The following ANTXR1 variants were observed in gnomAD, a reference collection of about 807,000 sequenced individuals.
ANTXR1 encodes ANTXR cell adhesion molecule 1, also known as anthrax toxin receptor 1.
A neutral mutation model predicts 78.1 loss-of-function variants in ANTXR1; 19 were observed. The observed-to-expected ratio is 0.24, with a 90% CI of 0.17 to 0.36. ANTXR1 has a LOEUF of 0.36. ANTXR1 is among the 10% of genes least tolerant of loss of function. ANTXR1 has a pLI of 1.00. For synonymous variants in ANTXR1, 273 were observed against 260.5 expected (o/e 1.05, Z -0.46); for missense variants, 518 against 718.6 (o/e 0.72, Z 3.19).
intron 17 of ANTXR1, among the ~76,000 whole-genome samples, chr2:69,212,551 TGATAAAATA>T (rs1558649298): frequency 2.0e-5 from 3 of 152,206 alleles, no homozygotes; most frequent in African/African-American, 7.2e-5. Flanking sequence ...CTATGCTTTA[TGATAAAATA>T]GATACATATT....
At chr2:69,103,319 A>G (rs1197002892) in intron 10 of ANTXR1, 7 of 343,902 alleles carry the variant, frequency 2.0e-5, no homozygotes, top group East Asian at 1.4e-4. Flanking sequence ...GGTGATGGTT[A>G]ATTAGGACTG....
intron 12 of ANTXR1, among the ~76,000 whole-genome samples, chr2:69,125,596 TTTGGGAGGCTGAG>T (rs1672507340): frequency 6.6e-6 from 1 of 152,202 alleles, no homozygotes; most frequent in African/African-American, 2.4e-5. Context: ...ATCCCAGCAC[TTTGGGAGGCTGAG>T]GTGCATGGAT....
chr2:69,130,604 T>C (rs532313139), intron 12 of ANTXR1, among the ~76,000 whole-genome samples: 1 of 152,360 alleles, frequency 6.6e-6, no homozygotes, highest in Admixed American at 6.5e-5. Flanking sequence ...TTTCAGAACC[T>C]GTCTCGCATT....
chr2:69,152,498 G>T (rs1165690616), intron 13 of ANTXR1, among the ~76,000 whole-genome samples: 3 of 152,206 alleles, frequency 2.0e-5, no homozygotes, highest in African/African-American at 7.2e-5. Flanking sequence ...CTTGGGTGGG[G>T]CAACTGGGGT....
intron 3 of ANTXR1, among the ~76,000 whole-genome samples, chr2:69,050,686 C>T (rs1458838015): frequency 1.3e-5 from 2 of 152,084 alleles, no homozygotes; most frequent in Non-Finnish European, 2.9e-5. Flanking sequence ...TTGCTTTTAT[C>T]GTGTTTTCTA....
intron 12 of ANTXR1, among the ~76,000 whole-genome samples, chr2:69,126,653 A>C (rs1672550008): frequency 6.6e-6 from 1 of 152,038 alleles, no homozygotes; most frequent in African/African-American, 2.4e-5. Context: ...GGAAGTGGGA[A>C]GGGAAGACAT....
chr2:69,064,187 A>G (rs1368469171), intron 3 of ANTXR1, among the ~76,000 whole-genome samples: 2 of 152,210 alleles, frequency 1.3e-5, no homozygotes, highest in Non-Finnish European at 2.9e-5. Flanking sequence ...ACTGCATAAA[A>G]TATACCCCAA....
Position 69,013,399 on chromosome 2 carries a change from G to C in ANTXR1, c.-101G>C. On this transcript the variant is annotated 5_prime_UTR_variant, in exon 1 of 18. Coordinates refer to ENST00000303714, the MANE Select transcript of ANTXR1 (RefSeq NM_032208.3). The surrounding 1 kb of genome is among the most constrained non-coding windows in gnomAD (Gnocchi z 5.0). ...TGCGAGGGAGCGAGGGGGAATAAAG[G>C]ACCCGCGAGGAAGGGCCCGCGGATG... The C allele has an allele frequency of 6.7e-7, 1 of 1,501,900 alleles. No homozygotes were observed. The highest frequency in any genetic ancestry group is 1.4e-5 in the African/African-American group (1 of 72,906). The allele number at this position is 1,501,900 out of a possible 1,614,324, so 93.0% of individuals were successfully genotyped here. A position where few individuals can be genotyped will look rare whatever the true frequency, so the allele number is the denominator to read the frequency against.
chr2:69,216,819 A>G (rs930101494), intron 17 of ANTXR1, among the ~76,000 whole-genome samples: 6 of 152,134 alleles, frequency 3.9e-5, no homozygotes, highest in Non-Finnish European at 5.9e-5. Flanking sequence ...ACTACCAACA[A>G]ATATTTACTC....
Position 69,248,939 on chromosome 2 carries a change from A to G in ANTXR1, c.*3454A>G, listed in dbSNP as rs186164940. Reference sequence around the variant, plus strand: ...TCTCCTATATTATCATACTCAGATAACCAAATTAAAAGAATTAGAATATGA... The same window carrying G: ...TCTCCTATATTATCATACTCAGATAGCCAAATTAAAAGAATTAGAATATGA... On this transcript the variant is annotated 3_prime_UTR_variant, in exon 18 of 18. Transcript: ENST00000303714. 45 of 152,322 alleles carry G rather than the reference A, an allele frequency of 3.0e-4. No homozygotes were observed. The highest frequency in any genetic ancestry group is 1.0e-3 in the African/African-American group (42 of 41,570). 9.4% of individuals were successfully genotyped at this position (152,322 alleles called of 1,614,324 possible).
At chr2:69,130,086 T>G (rs1243272121) in intron 12 of ANTXR1, among the ~76,000 whole-genome samples, 1 of 152,170 alleles carries the variant, frequency 6.6e-6, no homozygotes, top group Non-Finnish European at 1.5e-5. Flanking sequence ...GGGACATTTC[T>G]CAAGTTGGCA....
intron 12 of ANTXR1, among the ~76,000 whole-genome samples, chr2:69,148,555 A>G (rs1673294783): frequency 3.9e-5 from 6 of 152,208 alleles, no homozygotes; most frequent in South Asian, 2.1e-4. Flanking sequence ...TAGTGAGATG[A>G]GAAAGAGAAT....
chr2:69,204,914 C>T (rs1044485999), intron 17 of ANTXR1, among the ~76,000 whole-genome samples: 8 of 152,194 alleles, frequency 5.3e-5, no homozygotes, highest in African/African-American at 1.4e-4. Flanking sequence ...TTCCACCTCT[C>T]GCTGCCTCCC....
intron 3 of ANTXR1, among the ~76,000 whole-genome samples, chr2:69,069,782 CAA>C: frequency 6.6e-6 from 1 of 152,218 alleles, no homozygotes; most frequent in South Asian, 2.1e-4. Context: ...TTTTCCTATC[CAA>C]AAGAGTTTCT....
intron 16 of ANTXR1, among the ~76,000 whole-genome samples, chr2:69,186,760 A>T (rs6546486): frequency 0.43 from 65,749 of 152,176 alleles, 14,693 homozygotes; most frequent in East Asian, 0.7. Context: ...TTACATTTTT[A>T]AAAGGTTATA....
intron 17 of ANTXR1, among the ~76,000 whole-genome samples, chr2:69,198,216 T>C (rs955121451): frequency 6.6e-6 from 1 of 152,218 alleles, no homozygotes; most frequent in Admixed American, 6.5e-5. Flanking sequence ...CAAAAGATTA[T>C]ACAAATTAAC....
intron 2 of ANTXR1, among the ~76,000 whole-genome samples, chr2:69,043,508 C>T (rs926381365): frequency 3.3e-5 from 5 of 152,116 alleles, no homozygotes; most frequent in South Asian, 2.1e-4. Flanking sequence ...CCAGGCAGCA[C>T]GGGGTCATGG....
intron 16 of ANTXR1, among the ~76,000 whole-genome samples, chr2:69,192,221 C>A (rs1296553807): frequency 6.6e-6 from 1 of 152,206 alleles, no homozygotes; most frequent in Admixed American, 6.5e-5. Context: ...CAACACGAAT[C>A]TATTATCTTA....
intron 17 of ANTXR1, among the ~76,000 whole-genome samples, chr2:69,210,738 C>G (rs893649923): frequency 1.6e-4 from 24 of 152,188 alleles, no homozygotes; most frequent in African/African-American, 5.5e-4. Context: ...GAGTTTGAGA[C>G]CAGCCTGGCC....
Sources: gnomAD v4.1 joint callset for allele counts (sites outside exome capture counted in the v4.1 genomes callset) on GRCh38, gnomAD v4.1.1 for gene constraint, Gnocchi (gnomAD v3.1) non-coding constraint, MANE v1.5 for transcripts, NCBI Gene and HGNC (gene_info 2026-07-23, HGNC 2026-07-21) for gene names.